The following XPO6 variants were observed in gnomAD, a reference collection of about 807,000 sequenced individuals.
XPO6 encodes the protein exportin 6, also known as exportin-6.
Under a neutral mutation model 130.0 loss-of-function variants are expected in XPO6, and 3 were observed. The ratio of observed to expected loss-of-function variants is 0.02; its 90% CI spans 0.01 to 0.06. The LOEUF is 0.06. Ranked by LOEUF, XPO6 falls within the 10% of genes least tolerant of loss-of-function variation. The pLI is 1.00. For synonymous variants in XPO6, 524 were observed against 548.9 expected (o/e 0.95, Z 0.63); for missense variants, 970 against 1,393.0 (o/e 0.70, Z 4.83).
chr16:28,125,566 G>A, intron 13 of XPO6, 123 bp downstream of exon 13: 1 of 1,258,812 alleles, frequency 7.9e-7, no homozygotes, highest in Non-Finnish European at 1.1e-6. Context: ...GCTTGTATGT[G>A]GCAGAGCCTA....
At chr16:28,139,631 G>C (rs1291043814) in intron 9 of XPO6, among the ~76,000 whole-genome samples, 1 of 152,088 alleles carries the variant, frequency 6.6e-6, no homozygotes, top group Non-Finnish European at 1.5e-5. Flanking sequence ...AAAGAAGAGA[G>C]GCTAAAGGAC....
intron 2 of XPO6, among the ~76,000 whole-genome samples, chr16:28,178,765 A>C (rs1161396398): frequency 1.6e-4 from 3 of 18,482 alleles, no homozygotes; most frequent in African/African-American, 3.5e-4. Context: ...AAAACAAAAC[A>C]AAAAAAAAAA....
intron 17 of XPO6, among the ~76,000 whole-genome samples, chr16:28,108,211 T>G (rs1417028763): frequency 1.7e-4 from 26 of 152,228 alleles, no homozygotes; most frequent in Admixed American, 1.6e-3. Flanking sequence ...ACAACCTGCC[T>G]GATCCATCTT....
rs1222435550 is a variant in XPO6, at chr16:28,169,761, C to T, written c.554G>A (p.Gly185Glu). 1 of 1,613,920 alleles carries T rather than the reference C, an allele frequency of 6.2e-7. No homozygotes were observed. Among genetic ancestry groups the T allele is most frequent in the Non-Finnish European group, 8.5e-7 (1 of 1,179,932 alleles). Residue 185 changes from glycine (G) to glutamate (E), a missense_variant, in exon 5 of 24, where the codon GGG becomes GAG. Physicochemically the swap from Gly to Glu is moderately conservative, Grantham distance 98. This residue lies in a region of XPO6 where 936 missense variants were observed against 1,306.8 expected (regional missense o/e 0.72). Coordinates refer to ENST00000304658, the MANE Select transcript of XPO6 (RefSeq NM_015171.4). ...LLLDQVQTVL[G>E]LLTGILETVW... is the part of the protein sequence containing the mutation. ...ACCATACTGCTCACCTGTCAGTAGCCCAAGCACTGTCTGCACCTGGTCCAG... is the reference window on the plus strand; with the variant it reads ...ACCATACTGCTCACCTGTCAGTAGCTCAAGCACTGTCTGCACCTGGTCCAG...
Position 28,177,210 on chromosome 16 carries a change from G to C in XPO6, c.207+10C>G, listed in dbSNP as rs770239048. 1 of 1,576,172 alleles carries C rather than the reference G, an allele frequency of 6.3e-7. No homozygotes were observed. The highest frequency in any genetic ancestry group is 8.6e-7 in the Non-Finnish European group (1 of 1,156,946). ...CTTTTCAGAAGAGTATAAAATTACTGACAACTTACCTCAAAAACTGTTAAA... is the reference window on the plus strand; with the variant it reads ...CTTTTCAGAAGAGTATAAAATTACTCACAACTTACCTCAAAAACTGTTAAA... On this transcript the variant is annotated intron_variant, in intron 3 of 23. Transcript: ENST00000304658.
intron 5 of XPO6, among the ~76,000 whole-genome samples, chr16:28,168,790 T>G (rs371415625): frequency 3.8e-4 from 58 of 151,254 alleles, no homozygotes; most frequent in African/African-American, 1.3e-3. Context: ...TGTTTTTTTT[T>G]TTTTCCAGAA....
chr16:28,193,394 C>A (rs1312170084), intron 1 of XPO6, among the ~76,000 whole-genome samples: 2 of 152,160 alleles, frequency 1.3e-5, no homozygotes. Context: ...CTCCTCCCAT[C>A]CCCGCAGATC....
At position 28,207,565 on chromosome 16, in the gene XPO6, G is replaced by A. The variant is rs77352436; in HGVS notation, c.3+3801C>T. On this transcript the variant is annotated intron_variant, in intron 1 of 23. Transcript: ENST00000304658. The stretch of plus-strand genomic sequence containing the variant: ...TTTTTAAACTGGTTCTAAATGTGAA[G>A]GTCAACAGGGATAGTGTAAACAAAA... Among the ~76,000 whole-genome samples, 12 of 152,300 alleles carry A rather than the reference G, an allele frequency of 7.9e-5. No homozygotes were observed. The East Asian group carries it at 2.3e-3, about 29-fold the overall frequency.
chr16:28,155,324 T>C (rs1288178549), intron 7 of XPO6, among the ~76,000 whole-genome samples: 1 of 152,166 alleles, frequency 6.6e-6, no homozygotes, highest in African/African-American at 2.4e-5. Flanking sequence ...GTTCATAATA[T>C]AAGTTTCCAA....
At chr16:28,163,243 T>C (rs1371228850) in intron 6 of XPO6, among the ~76,000 whole-genome samples, 1 of 152,224 alleles carries the variant, frequency 6.6e-6, no homozygotes, top group Admixed American at 6.5e-5. Context: ...ATAGGTAGTA[T>C]ACAAGGAATA....
At chr16:28,206,874 T>C (rs574029062) in intron 1 of XPO6, among the ~76,000 whole-genome samples, 1 of 152,256 alleles carries the variant, frequency 6.6e-6, no homozygotes, top group East Asian at 1.9e-4. Context: ...GATGAACAAG[T>C]GGATGACATG....
chr16:28,140,405 C>A (rs991994868), intron 9 of XPO6, among the ~76,000 whole-genome samples: 3 of 151,920 alleles, frequency 2.0e-5, no homozygotes, highest in African/African-American at 7.3e-5. Flanking sequence ...GATAGCCGGG[C>A]GTGGTGGCTC....
intron 2 of XPO6, 27 bp from the exon 3 acceptor site, chr16:28,177,359 A>G (rs755135965): frequency 2.8e-6 from 4 of 1,406,018 alleles, no homozygotes; most frequent in Non-Finnish European, 4.0e-6. Context: ...GCAACAAAAG[A>G]AAGCTATGAA....
intron 1 of XPO6, among the ~76,000 whole-genome samples, chr16:28,186,371 A>ATTTTTTTTTTTTTTTTT (rs1237138991): frequency 4.9e-4 from 5 of 10,122 alleles, no homozygotes; most frequent in Admixed American, 1.2e-3. Flanking sequence ...TGCCCCAGTT[A>ATTTTTTTTTTTTTTTTT]TTCTTTTTTT....
chr16:28,099,208 C>T (rs2086600340), intron 23 of XPO6, among the ~76,000 whole-genome samples: 1 of 152,232 alleles, frequency 6.6e-6, no homozygotes, highest in South Asian at 2.1e-4. Flanking sequence ...AGGCCTGTCC[C>T]ACTGGGCGCA....
intron 14 of XPO6, among the ~76,000 whole-genome samples, chr16:28,120,489 A>G (rs1461558259): frequency 6.6e-6 from 1 of 152,224 alleles, no homozygotes; most frequent in Non-Finnish European, 1.5e-5. Context: ...TCTAAATACC[A>G]AAATAAAGAG....
chr16:28,166,634 A>G, intron 5 of XPO6, 49 bp from the exon 6 acceptor site: 1 of 1,550,884 alleles, frequency 6.4e-7, no homozygotes, highest in South Asian at 1.2e-5. Context: ...TGTCCAGCAT[A>G]TAAAAATCAT....
chr16:28,194,412 A>G (rs2043828215), intron 1 of XPO6, among the ~76,000 whole-genome samples: 1 of 152,200 alleles, frequency 6.6e-6, no homozygotes, highest in Non-Finnish European at 1.5e-5. Flanking sequence ...TCAGGACAGT[A>G]AGAGTTTGGG....
intron 13 of XPO6, among the ~76,000 whole-genome samples, chr16:28,124,897 C>T (rs1567605517): frequency 6.6e-6 from 1 of 152,166 alleles, no homozygotes; most frequent in Non-Finnish European, 1.5e-5. Flanking sequence ...CTGGGCCAGT[C>T]GAAGCATCAG....
Sources: allele counts gnomAD v4.1 joint callset (sites outside exome capture counted in the v4.1 genomes callset), GRCh38; gene constraint gnomAD v4.1.1; regional missense constraint gnomAD v4.1.1; transcripts MANE v1.5; gene names NCBI Gene and HGNC (gene_info 2026-07-23, HGNC 2026-07-21).